LRCH2: variants seen among roughly 807,000 people sequenced by gnomAD.
LRCH2 encodes the protein leucine-rich repeat and calponin homology domain-containing protein 2.
In LRCH2, 38 loss-of-function variants were observed where a neutral mutation model predicts 68.9. That is an observed-to-expected ratio of 0.55 (90% CI 0.43 to 0.72). The LOEUF (loss-of-function observed/expected upper bound fraction) is 0.72. Among genes scored for constraint, LRCH2 ranks in the 30% least tolerant of loss-of-function variants. LRCH2 has a pLI of 0.00. For synonymous variants in LRCH2, 191 were observed against 208.1 expected, an observed-to-expected ratio of 0.92 and a Z score of 0.71; for missense variants, 528 against 572.9, an observed-to-expected ratio of 0.92 and a Z score of 0.80.
Position 115,113,141 on chromosome X carries a change from T to A in LRCH2, c.*75A>T. On this transcript the variant is annotated 3_prime_UTR_variant, in exon 21 of 21. Transcript: ENST00000317135. ...GCAAACTATTTTTGACGGAATATTC[T>A]TATTCATGAATTTGAAATATTTGAA... 1.0e-6 allele frequency: 1 copy of A among 969,178 alleles called. No individual in the cohort carries two copies. Among genetic ancestry groups the A allele is most frequent in the Non-Finnish European group, 1.4e-6 (1 of 727,213 alleles). The allele number at this position is 969,178 out of a possible 1,213,427, so 79.9% of individuals were successfully genotyped here. A position where few individuals can be genotyped will look rare whatever the true frequency, so the allele number is the denominator to read the frequency against.
chrX:115,208,624 G>T (rs1035630573), intron 1 of LRCH2, among the ~76,000 whole-genome samples: 4 of 111,542 alleles, frequency 3.6e-5, no homozygotes, highest in African/African-American at 1.3e-4. Flanking sequence ...GTCTATCTGC[G>T]GCCCATTGAA....
intron 20 of LRCH2, among the ~76,000 whole-genome samples, chrX:115,121,582 G>A (rs190478597): frequency 3.0e-4 from 34 of 112,058 alleles, no homozygotes; most frequent in African/African-American, 9.1e-4. Context: ...ACTGGGAGGC[G>A]GCGGTTGCAG....
chrX:115,150,138 C>A (rs2072421518), intron 12 of LRCH2, 68 bp from the exon 13 acceptor site: 1 of 787,751 alleles, frequency 1.3e-6, no homozygotes, highest in South Asian at 4.1e-5. Context: ...ATATTATGAA[C>A]CTTAGATGTT....
At chrX:115,182,831 CAAA>C (rs1164477909) in intron 3 of LRCH2, among the ~76,000 whole-genome samples, 4 of 26,266 alleles carry the variant, frequency 1.5e-4, no homozygotes, top group African/African-American at 5.1e-4. Context: ...AACTTCGTCT[CAAA>C]AAAAAAAAAA....
At chrX:115,223,391 A>G (rs2073097551) in intron 1 of LRCH2, among the ~76,000 whole-genome samples, 2 of 111,153 alleles carry the variant, frequency 1.8e-5, no homozygotes, top group African/African-American at 6.5e-5. Context: ...AACCAACAGA[A>G]TAGGAAAGAA....
intron 3 of LRCH2, among the ~76,000 whole-genome samples, chrX:115,183,169 A>C (rs1309172646): frequency 9.0e-6 from 1 of 111,153 alleles, no homozygotes; most frequent in Non-Finnish European, 1.9e-5. Flanking sequence ...ATCACTTCTA[A>C]GATCTTTTAT....
At position 115,113,341 on chromosome X, in the gene LRCH2, GAA is replaced by G; in HGVS notation, c.2179-8_2179-7del. On this transcript the variant is annotated splice_region_variant and splice_polypyrimidine_tract_variant and intron_variant, in intron 20 of 20. Coordinates refer to ENST00000317135, the MANE Select transcript of LRCH2 (RefSeq NM_020871.4). ...TGAGGCAAACAAAGTCTTTCCTGGA[GAA>G]AAAAAAGAGATATTTGAACATTCAT... 1 of 1,152,778 alleles carries G rather than the reference GAA, an allele frequency of 8.7e-7. No individual in the cohort carries two copies. The highest frequency in any genetic ancestry group is 1.2e-6 in the Non-Finnish European group (1 of 863,033).
chrX:115,138,978 C>T (rs782551605), intron 14 of LRCH2: 18 of 110,513 alleles, frequency 1.6e-4, no homozygotes, highest in African/African-American at 4.9e-4. Context: ...ACAGAAAGGT[C>T]AGTCCATCTC....
At chrX:115,201,884 G>T (rs1158428008) in intron 1 of LRCH2, among the ~76,000 whole-genome samples, 2 of 111,210 alleles carry the variant, frequency 1.8e-5, no homozygotes, top group African/African-American at 6.5e-5. Flanking sequence ...ATGAAATCAA[G>T]AAGTCAATCC....
At chrX:115,116,422 A>G (rs192774713) in intron 20 of LRCH2, among the ~76,000 whole-genome samples, 2 of 111,224 alleles carry the variant, frequency 1.8e-5, no homozygotes, top group Non-Finnish European at 3.8e-5. Flanking sequence ...AACCTTGGAA[A>G]AATTATACTA....
At position 115,184,415 on chromosome X, in the gene LRCH2, T is replaced by G; in HGVS notation, c.617A>C (p.Glu206Ala). 8.6e-7 allele frequency: 1 copy of G among 1,163,337 alleles called. No individual in the cohort carries two copies. The highest frequency in any genetic ancestry group is 2.1e-5 in the South Asian group (1 of 48,045). ...EEIGKLKDLM[E>A]LDISCNEIQV... ...TAATACAACTAAGTTACTCACCAAT[T>G]CCATTAAATCTTTTAACTTCCCAAT... is the stretch of plus-strand genomic sequence containing the variant. Residue 206 changes from glutamate to alanine, a missense_variant, in exon 3 of 21, where the codon GAA (glutamate) becomes GCA (alanine). Coordinates refer to ENST00000317135, the MANE Select transcript of LRCH2 (RefSeq NM_020871.4).
rs782782169 is a variant in LRCH2 at position 115,113,374 on chromosome X, A to G, written c.2179-39T>C. 14 of 1,067,474 alleles carry G rather than the reference A, an allele frequency of 1.3e-5. No individual in the cohort carries two copies. In the South Asian group the frequency reaches 3.0e-4, roughly 23 times the overall value. 88.0% of individuals were successfully genotyped at this position (1,067,474 alleles called of 1,213,427 possible). ...AGAGATATTTGAACATTCATTTTTT[A>G]GAAGTGTAATAAAATTAAGTCAGAA... On this transcript the variant is annotated intron_variant, in intron 20 of 20. Transcript: ENST00000317135.
intron 1 of LRCH2, among the ~76,000 whole-genome samples, chrX:115,214,322 T>G (rs2073028050): frequency 8.9e-6 from 1 of 112,115 alleles, no homozygotes; most frequent in African/African-American, 3.2e-5. Context: ...CTTTGAAGTA[T>G]TAGAGACTGA....
intron 6 of LRCH2, among the ~76,000 whole-genome samples, chrX:115,168,402 C>T (rs143975793): frequency 9.0e-6 from 1 of 111,285 alleles, no homozygotes; most frequent in African/African-American, 3.3e-5. Context: ...CATTCCAAAT[C>T]GAGACACACT....
At chrX:115,202,003 T>G (rs1231706377) in intron 1 of LRCH2, among the ~76,000 whole-genome samples, 4 of 111,496 alleles carry the variant, frequency 3.6e-5, no homozygotes, top group African/African-American at 1.3e-4. Context: ...AAATTGAAGA[T>G]GACAAAAACA....
chrX:115,207,242 G>A (rs782628923), intron 1 of LRCH2, among the ~76,000 whole-genome samples: 6 of 108,222 alleles, frequency 5.5e-5, no homozygotes, highest in Admixed American at 3.0e-4. Flanking sequence ...AAAATCGGGG[G>A]AAAAAAAAAC....
rs2072042092 is a variant in LRCH2, at chrX:115,111,392, C to T, written c.*1824G>A. On this transcript the variant is annotated 3_prime_UTR_variant, in exon 21 of 21. Coordinates refer to ENST00000317135, the MANE Select transcript of LRCH2 (RefSeq NM_020871.4). The stretch of plus-strand genomic sequence containing the variant: ...ATTGATTAATCAGAGACTATCATAA[C>T]ACCTATGAAAGCAGTATGAATGATT... The T allele has an allele frequency of 9.1e-6, 1 of 110,103 alleles. No homozygotes were observed. Among genetic ancestry groups the T allele is most frequent in the Non-Finnish European group, 1.9e-5 (1 of 52,765 alleles). The allele number at this position is 110,103 out of a possible 1,213,427, so 9.1% of individuals were successfully genotyped here.
intron 14 of LRCH2, among the ~76,000 whole-genome samples, chrX:115,142,326 T>G (rs948545456): frequency 1.8e-5 from 2 of 112,105 alleles, no homozygotes; most frequent in Non-Finnish European, 1.9e-5. Context: ...CCAACAGATA[T>G]TTACTGAACA....
rs1556526359 is a variant in LRCH2, at chrX:115,122,616, GA to G, written c.2101-13del. 10 of 1,202,170 alleles carry G rather than the reference GA, an allele frequency of 8.3e-6. No individual in the cohort carries two copies. Among genetic ancestry groups the G allele is most frequent in the Non-Finnish European group, 1.1e-5 (10 of 890,561 alleles). On this transcript the variant is annotated splice_polypyrimidine_tract_variant and intron_variant, in intron 19 of 20. Transcript: ENST00000317135. ...ATGCTCAGTTTGGGCTGTAAAGTAA[GA>G]GGGAAAAAATGTACTTTTAGGCATT... is the stretch of plus-strand genomic sequence containing the variant.
Sources: gnomAD v4.1 joint callset for allele counts (sites outside exome capture counted in the v4.1 genomes callset) on GRCh38, gnomAD v4.1.1 for gene constraint, MANE v1.5 for transcripts, NCBI Gene and HGNC (gene_info 2026-07-23, HGNC 2026-07-21) for gene names.